Variants in PPP6R3 observed in about 807,000 individuals in gnomAD.
PPP6R3 encodes the protein protein phosphatase 6 regulatory subunit 3, also known as serine/threonine-protein phosphatase 6 regulatory subunit 3.
In PPP6R3, 38 loss-of-function variants were observed where a neutral mutation model predicts 110.7. The ratio of observed to expected loss-of-function variants is 0.34; its 90% CI spans 0.26 to 0.45. The LOEUF (loss-of-function observed/expected upper bound fraction) is 0.45, where lower values mean the gene tolerates loss of function less well. Among genes scored for constraint, PPP6R3 ranks in the 20% least tolerant of loss-of-function variants. The pLI is 1.00. For missense variants in PPP6R3, 870 were observed against 1,062.4 expected (o/e 0.82, Z 2.52); for synonymous variants, 369 against 373.5 (o/e 0.99, Z 0.14).
rs146459311 is a variant in PPP6R3, at chr11:68,596,024, AC to A, written c.1917-72del. On this transcript the variant is annotated intron_variant, in intron 18 of 23. Transcript: ENST00000393800. ...CCACAGGACCTTTTGTTGCTGGATG[AC>A]TGTTAGAATTTTCTGGATTTAGCTG... 1.7e-3 allele frequency: 2,760 copies of A among 1,580,768 alleles called. 47 individuals are homozygous for A. In the African/African-American group the frequency reaches 0.033, roughly 19 times the overall value.
chr11:68,470,449 G>A (rs2098782604), intron 1 of PPP6R3, among the ~76,000 whole-genome samples: 1 of 152,102 alleles, frequency 6.6e-6, no homozygotes, highest in Non-Finnish European at 1.5e-5. Flanking sequence ...GGGAGAGTGG[G>A]AGGAGGGTAG....
intron 23 of PPP6R3, among the ~76,000 whole-genome samples, chr11:68,611,481 C>T (rs921233009): frequency 1.3e-5 from 2 of 152,224 alleles, no homozygotes; most frequent in African/African-American, 4.8e-5. Context: ...CTGCCCTAAC[C>T]TGCCGGGCCA....
At chr11:68,535,447 T>G (rs2099264902) in intron 2 of PPP6R3, 1 of 152,188 alleles carries the variant, frequency 6.6e-6, no homozygotes. Context: ...CCACATCGAC[T>G]CCTCTTGTAA....
chr11:68,587,728 T>G, intron 15 of PPP6R3, 199 bp from the exon 16 acceptor site: 1 of 655,250 alleles, frequency 1.5e-6, no homozygotes, highest in African/African-American at 1.8e-5. Context: ...TTAGAATGAT[T>G]TGTAGACCAA....
chr11:68,480,829 C>T (rs1360143606), intron 1 of PPP6R3, among the ~76,000 whole-genome samples: 1 of 152,184 alleles, frequency 6.6e-6, no homozygotes, highest in East Asian at 1.9e-4. Context: ...TTTTTTCCCC[C>T]TCCTTCAATA....
At chr11:68,610,228 C>T (rs1050922353) in intron 23 of PPP6R3, among the ~76,000 whole-genome samples, 3 of 152,156 alleles carry the variant, frequency 2.0e-5, no homozygotes, top group African/African-American at 7.2e-5. Flanking sequence ...CTCTCCTTAG[C>T]GCAGAAACTG....
intron 1 of PPP6R3, among the ~76,000 whole-genome samples, chr11:68,505,945 T>C (rs2099073771): frequency 6.6e-6 from 1 of 152,156 alleles, no homozygotes; most frequent in Admixed American, 6.6e-5. Context: ...CTTGGGATAG[T>C]GCTACAACTA....
intron 22 of PPP6R3, chr11:68,609,357 C>CA (rs1942122636): frequency 1.5e-6 from 1 of 664,304 alleles, no homozygotes; most frequent in Non-Finnish European, 2.7e-6. Flanking sequence ...AACACGGTGA[C>CA]CTCATGTGAC....
chr11:68,601,890 T>G lies in PPP6R3; in HGVS notation c.2220T>G (p.Ser740=), dbSNP rs907334237. 4.3e-6 allele frequency: 7 copies of G among 1,613,428 alleles called. No homozygotes were observed. The highest frequency in any genetic ancestry group is 5.9e-6 in the Non-Finnish European group (7 of 1,179,738). ...LSTKDSLRSN[S]PVEMETSTEP... Reference sequence around the variant, plus strand: ...CAAAAGATTCTTTAAGGAGTAATTCTCCAGTGGAAATGGAAACCAGCACTG... The same window carrying G: ...CAAAAGATTCTTTAAGGAGTAATTCGCCAGTGGAAATGGAAACCAGCACTG... The change falls in exon 21 of 24, where the codon TCT becomes TCG. Residue 740 remains serine (S), a synonymous_variant. Coordinates refer to ENST00000393800, the MANE Select transcript of PPP6R3 (RefSeq NM_001164161.2).
intron 1 of PPP6R3, among the ~76,000 whole-genome samples, chr11:68,508,399 G>A (rs560383420): frequency 3.3e-5 from 5 of 151,986 alleles, no homozygotes; most frequent in Admixed American, 2.0e-4. Context: ...CACAGTGCTG[G>A]GATTACAGGC....
intron 1 of PPP6R3, among the ~76,000 whole-genome samples, chr11:68,506,216 T>G (rs1010364488): frequency 2.0e-5 from 3 of 150,924 alleles, no homozygotes; most frequent in African/African-American, 7.3e-5. Flanking sequence ...AGCAATTTTC[T>G]TACCTTGGCT....
chr11:68,606,877 A>G (rs1940399809), intron 22 of PPP6R3, among the ~76,000 whole-genome samples: 2 of 152,250 alleles, frequency 1.3e-5, no homozygotes, highest in South Asian at 2.1e-4. Flanking sequence ...CTTGTAACTA[A>G]TAAGAATTCA....
chr11:68,506,848 T>A (rs903215063), intron 1 of PPP6R3, among the ~76,000 whole-genome samples: 1 of 152,184 alleles, frequency 6.6e-6, no homozygotes, highest in African/African-American at 2.4e-5. Context: ...ATTATGGAAG[T>A]TTCAGCTTTT....
At chr11:68,599,316 A>G (rs1435813285) in intron 19 of PPP6R3, among the ~76,000 whole-genome samples, 3 of 152,238 alleles carry the variant, frequency 2.0e-5, no homozygotes, top group African/African-American at 7.2e-5. Context: ...ATCCACAGTG[A>G]CCTGACTTCA....
chr11:68,551,261 C>A, intron 6 of PPP6R3, 75 bp downstream of exon 6: 1 of 1,106,986 alleles, frequency 9.0e-7, no homozygotes, highest in Non-Finnish European at 1.3e-6. Flanking sequence ...ACAGAGCATA[C>A]TTATATTAAA....
In PPP6R3 at chr11:68,487,416, A is replaced by C. The variant is rs185323675; in HGVS notation, c.-158+26589A>C. Among the ~76,000 whole-genome samples, 514 of 152,202 alleles carry C rather than the reference A, an allele frequency of 3.4e-3. 6 individuals carry two copies. The highest frequency in any genetic ancestry group is 0.012 in the African/African-American group (492 of 41,526). On this transcript the variant is annotated intron_variant, in intron 1 of 23. Coordinates refer to ENST00000393800, the MANE Select transcript of PPP6R3 (RefSeq NM_001164161.2). ...AAACTCTATCTCCACTAAAAATACAAAAATTAGCCGGGGCATGGTGGCACA... is the reference window on the plus strand; with the variant it reads ...AAACTCTATCTCCACTAAAAATACACAAATTAGCCGGGGCATGGTGGCACA...
At chr11:68,535,407 C>T (rs1419633167) in intron 2 of PPP6R3, 1 of 152,124 alleles carries the variant, frequency 6.6e-6, no homozygotes, top group Non-Finnish European at 1.5e-5. Flanking sequence ...TTGTGTCATC[C>T]CACAGAGCTT....
chr11:68,595,188 T>TA (rs2099609786), intron 18 of PPP6R3, among the ~76,000 whole-genome samples: 1 of 141,542 alleles, frequency 7.1e-6, no homozygotes, highest in South Asian at 2.4e-4. Flanking sequence ...AAAAACACAA[T>TA]ACATAAAAAT....
intron 1 of PPP6R3, among the ~76,000 whole-genome samples, chr11:68,474,737 A>G (rs116985863): frequency 0.053 from 8,069 of 152,140 alleles, 233 homozygotes; most frequent in Middle Eastern, 0.13. Flanking sequence ...ATGTTTTAAT[A>G]TTTATAGGAT....
Sources: allele counts gnomAD v4.1 joint callset (sites outside exome capture counted in the v4.1 genomes callset), GRCh38; gene constraint gnomAD v4.1.1; transcripts MANE v1.5; gene names NCBI Gene and HGNC (gene_info 2026-07-23, HGNC 2026-07-21).